RBFOX1: variants seen among roughly 807,000 people sequenced by gnomAD.
The protein encoded by RBFOX1 is RNA binding protein fox-1 homolog 1.
A neutral mutation model predicts 57.7 loss-of-function variants in RBFOX1; 8 were observed. The ratio of observed to expected loss-of-function variants is 0.14; its 90% CI spans 0.08 to 0.25. The LOEUF (loss-of-function observed/expected upper bound fraction) is 0.25, where lower values mean the gene tolerates loss of function less well. Among genes scored for constraint, RBFOX1 ranks in the 10% least tolerant of loss-of-function variants. The pLI, the probability that RBFOX1 is intolerant of heterozygous loss-of-function variation, is 1.00. For synonymous variants in RBFOX1, 326 were observed against 222.4 expected, an observed-to-expected ratio of 1.47 and a Z score of -4.15; for missense variants, 611 against 548.5, an observed-to-expected ratio of 1.11 and a Z score of -1.14.
intron 4 of RBFOX1, among the ~76,000 whole-genome samples, chr16:7,200,845 G>C (rs531155928): frequency 9.2e-5 from 14 of 152,246 alleles, no homozygotes; most frequent in African/African-American, 3.4e-4. Context: ...TCTCCGCGCT[G>C]TTGTATGACA....
chr16:7,340,971 C>G (rs147799095), intron 4 of RBFOX1, among the ~76,000 whole-genome samples: 151 of 152,240 alleles, frequency 9.9e-4, no homozygotes, highest in Non-Finnish European at 1.8e-3. Flanking sequence ...GTTGGAAGAC[C>G]TACGGATTTC....
At chr16:6,841,385 C>G (rs1451707825) in intron 3 of RBFOX1, among the ~76,000 whole-genome samples, 1 of 152,148 alleles carries the variant, frequency 6.6e-6, no homozygotes, top group Non-Finnish European at 1.5e-5. Context: ...CTCACTCACA[C>G]TAAAGAGCCC....
chr16:6,828,094 C>T lies in RBFOX1; in HGVS notation c.-16+173444C>T, dbSNP rs114605961. On this transcript the variant is annotated intron_variant, in intron 3 of 15. Transcript: ENST00000550418. ...TAAGATGCATGCAGTTATGAAGAAC[C>T]AACAGAAGGTACAGGTGGCATGGGA... Among the ~76,000 whole-genome samples, 501 of 152,156 alleles carry T rather than the reference C, an allele frequency of 3.3e-3. 3 individuals carry two copies. The highest frequency in any genetic ancestry group is 0.012 in the African/African-American group (478 of 41,524).
intron 4 of RBFOX1, among the ~76,000 whole-genome samples, chr16:5,920,762 C>T (rs540916192): frequency 1.3e-5 from 2 of 152,322 alleles, no homozygotes; most frequent in South Asian, 4.1e-4. Flanking sequence ...GGAATTAAAA[C>T]GTCCTTCAGG....
At chr16:6,887,655 C>G (rs1199485845) in intron 3 of RBFOX1, among the ~76,000 whole-genome samples, 3 of 144,016 alleles carry the variant, frequency 2.1e-5, no homozygotes, top group South Asian at 2.3e-4. Flanking sequence ...TTTTTGCTGT[C>G]TTTCCATAGT....
intron 2 of RBFOX1, among the ~76,000 whole-genome samples, chr16:5,578,478 C>A (rs1378927980): frequency 6.6e-6 from 1 of 152,202 alleles, no homozygotes; most frequent in African/African-American, 2.4e-5. Context: ...AAAACCCCAT[C>A]CACGGTCTGA....
intron 3 of RBFOX1, among the ~76,000 whole-genome samples, chr16:5,815,762 C>T (rs1213748569): frequency 3.3e-5 from 5 of 152,270 alleles, no homozygotes; most frequent in East Asian, 3.9e-4. Context: ...CCCACGCTTC[C>T]GAACACATTT....
chr16:5,831,323 C>G (rs1055071682), intron 3 of RBFOX1, among the ~76,000 whole-genome samples: 2 of 152,056 alleles, frequency 1.3e-5, no homozygotes, highest in Admixed American at 6.6e-5. Flanking sequence ...CCCTGCCATT[C>G]TCTCTATCTT....
At chr16:6,084,913 C>G (rs1287785562) in intron 1 of RBFOX1, among the ~76,000 whole-genome samples, 1 of 152,154 alleles carries the variant, frequency 6.6e-6, no homozygotes, top group Non-Finnish European at 1.5e-5. Context: ...GAGATGATAT[C>G]TCAGTTTCTG....
At chr16:5,387,943 C>T (rs2066300680) in intron 1 of RBFOX1, among the ~76,000 whole-genome samples, 1 of 152,134 alleles carries the variant, frequency 6.6e-6, no homozygotes, top group Non-Finnish European at 1.5e-5. Context: ...ACTCCGTGGT[C>T]TACTTTTGGC....
intron 4 of RBFOX1, among the ~76,000 whole-genome samples, chr16:7,446,038 C>T (rs188749810): frequency 6.6e-6 from 1 of 152,306 alleles, no homozygotes; most frequent in East Asian, 1.9e-4. Context: ...CATGGTCTTG[C>T]TACAGCCGCT....
intron 2 of RBFOX1, among the ~76,000 whole-genome samples, chr16:6,444,633 C>CTT (rs1156971253): frequency 6.7e-6 from 1 of 149,690 alleles, no homozygotes; most frequent in Admixed American, 6.7e-5. Context: ...TCCATTAAAC[C>CTT]TTTTTTTTTT....
intron 3 of RBFOX1, among the ~76,000 whole-genome samples, chr16:6,905,738 C>G (rs892013423): frequency 1.3e-5 from 2 of 152,142 alleles, no homozygotes; most frequent in African/African-American, 2.4e-5. Flanking sequence ...ATGCCTGAGG[C>G]AAGTTTGCAT....
At chr16:7,501,492 G>T (rs1223799532) in intron 4 of RBFOX1, among the ~76,000 whole-genome samples, 3 of 152,210 alleles carry the variant, frequency 2.0e-5, no homozygotes, top group African/African-American at 7.2e-5. Flanking sequence ...CTATAAGACA[G>T]ACATAGGTCT....
At position 6,418,519 on chromosome 16, in the gene RBFOX1, ATTTTTTTTTTTT is replaced by A. The variant is rs567448072; in HGVS notation, c.-64+101475_-64+101486del. On this transcript the variant is annotated intron_variant, in intron 2 of 15. Transcript: ENST00000550418. The stretch of plus-strand genomic sequence containing the variant: ...GGACAGATGTCTTTCTGCAAGCCTT[ATTTTTTTTTTTT>A]TTTTTTTTTTTTGACAGAGTCTGGC... 6.9e-5 allele frequency among the ~76,000 whole-genome samples: 7 copies of A among 100,944 alleles called. No homozygotes were observed. In the South Asian group the frequency reaches 1.3e-3, roughly 19 times the overall value. The allele number at this position is 100,944 out of a possible 152,430, so 66.2% of individuals were successfully genotyped here.
At chr16:6,606,320 A>G (rs2097924545) in intron 2 of RBFOX1, among the ~76,000 whole-genome samples, 1 of 152,042 alleles carries the variant, frequency 6.6e-6, no homozygotes, top group Admixed American at 6.6e-5. Flanking sequence ...ACACATTTTT[A>G]TCTTGATGAA....
intron 3 of RBFOX1, among the ~76,000 whole-genome samples, chr16:5,837,367 A>G (rs1211942442): frequency 1.3e-5 from 2 of 152,040 alleles, no homozygotes; most frequent in African/African-American, 4.8e-5. Flanking sequence ...AGCTGGCAGA[A>G]TCCTAAGAGA....
At chr16:5,273,941 C>A (rs757180478) in intron 1 of RBFOX1, among the ~76,000 whole-genome samples, 2 of 152,092 alleles carry the variant, frequency 1.3e-5, no homozygotes, top group African/African-American at 4.8e-5. Context: ...TCCAGGGACT[C>A]GAGCAGATTT....
chr16:5,863,277 A>G (rs1292658278), intron 3 of RBFOX1, among the ~76,000 whole-genome samples: 1 of 152,232 alleles, frequency 6.6e-6, no homozygotes, highest in Non-Finnish European at 1.5e-5. Flanking sequence ...AGCTGGAACA[A>G]AGCTTTCAAG....
Sources: gnomAD v4.1 joint callset for allele counts (sites outside exome capture counted in the v4.1 genomes callset) on GRCh38, gnomAD v4.1.1 for gene constraint, MANE v1.5 for transcripts, NCBI Gene and HGNC (gene_info 2026-07-23, HGNC 2026-07-21) for gene names.